Variants in TUSC3 observed in about 807,000 individuals in gnomAD.
TUSC3 encodes dolichyl-diphosphooligosaccharide--protein glycosyltransferase subunit TUSC3.
TUSC3 carries 45 observed loss-of-function variants against 44.8 expected under a neutral mutation model. The ratio of observed to expected loss-of-function variants is 1.00; its 90% CI spans 0.79 to 1.29. TUSC3 has a LOEUF of 1.29. Among genes scored for constraint, TUSC3 ranks in the 50% most tolerant of loss-of-function variants. The pLI, the probability that TUSC3 is intolerant of heterozygous loss-of-function variation, is 0.00. For synonymous variants in TUSC3, 212 were observed against 152.9 expected (o/e 1.39, Z -2.85); for missense variants, 519 against 437.9 (o/e 1.19, Z -1.65).
At chr8:15,437,960 A>G (rs536752393) in intron 1 of TUSC3, among the ~76,000 whole-genome samples, 6 of 152,232 alleles carry the variant, frequency 3.9e-5, no homozygotes, top group Non-Finnish European at 8.8e-5. Context: ...GGCAGAATAA[A>G]AGCTTTGGAA....
chr8:15,462,659 G>T (rs1800360764), intron 1 of TUSC3, among the ~76,000 whole-genome samples: 1 of 152,094 alleles, frequency 6.6e-6, no homozygotes. Flanking sequence ...CAAAAAGTTG[G>T]TTCGCAGGCA....
rs900246230 is a variant in TUSC3 at position 15,497,319 on chromosome 8, A to G, written n.189+13836A>G. ...TGATGTGTAGAAAGCAGTGGGACAC[A>G]ATAGAAGAGACATATCCTCAAGCTT... On this transcript the variant is annotated intron_variant and non_coding_transcript_variant, in intron 2 of 5. Coordinates refer to the TUSC3 transcript ENST00000503191. 1.3e-4 allele frequency among the ~76,000 whole-genome samples: 20 copies of G among 152,286 alleles called. No individual in the cohort carries two copies. The East Asian group carries it at 3.5e-3, about 27-fold the overall frequency.
At chr8:15,470,683 A>C (rs1800479795) in intron 1 of TUSC3, among the ~76,000 whole-genome samples, 2 of 152,226 alleles carry the variant, frequency 1.3e-5, no homozygotes, top group Admixed American at 6.5e-5. Context: ...TCATTAAAAC[A>C]GATGAGAAAA....
intron 1 of TUSC3, among the ~76,000 whole-genome samples, chr8:15,617,433 T>G (rs1805046994): frequency 6.6e-6 from 1 of 152,076 alleles, no homozygotes; most frequent in Non-Finnish European, 1.5e-5. Flanking sequence ...CCACCGCGCC[T>G]GGCCTGTATT....
At chr8:15,429,078 T>C (rs552893710) in intron 1 of TUSC3, among the ~76,000 whole-genome samples, 1 of 152,224 alleles carries the variant, frequency 6.6e-6, no homozygotes, top group Non-Finnish European at 1.5e-5. Context: ...GCCTAGGTTT[T>C]CTTCTAGGGT....
chr8:15,680,604 C>T (rs907799498), intron 6 of TUSC3, among the ~76,000 whole-genome samples: 2 of 152,046 alleles, frequency 1.3e-5, no homozygotes, highest in Non-Finnish European at 2.9e-5. Context: ...TTGTTGCTCT[C>T]ATGAAGACTT....
chr8:15,501,751 C>T (rs1184798315), intron 2 of TUSC3, among the ~76,000 whole-genome samples: 1 of 152,180 alleles, frequency 6.6e-6, no homozygotes, highest in Non-Finnish European at 1.5e-5. Flanking sequence ...TTACTGAGTG[C>T]TTAATGTATA....
At chr8:15,776,266 T>C in the TUSC3 span, among the ~76,000 whole-genome samples, 1 of 152,120 alleles carries the variant, frequency 6.6e-6, no homozygotes. Context: ...AAAGGTGTTT[T>C]TATTTTTTTC....
At chr8:15,759,941 C>T (rs1438278911) in intron 10 of TUSC3, among the ~76,000 whole-genome samples, 1 of 152,092 alleles carries the variant, frequency 6.6e-6, no homozygotes, top group Non-Finnish European at 1.5e-5. Context: ...CATCCTCATC[C>T]TTCTTTATGT....
chr8:15,720,201 T>TATATATACAC (rs369753796), intron 6 of TUSC3, among the ~76,000 whole-genome samples: 2 of 141,612 alleles, frequency 1.4e-5, no homozygotes, highest in African/African-American at 5.4e-5. Flanking sequence ...TATATATATA[T>TATATATACAC]ACACACACAC....
At chr8:15,608,382 A>G (rs1377701671) in intron 1 of TUSC3, among the ~76,000 whole-genome samples, 2 of 152,072 alleles carry the variant, frequency 1.3e-5, no homozygotes, top group South Asian at 2.1e-4. Flanking sequence ...TTTGTCTTAT[A>G]GGGATAAATT....
At chr8:15,630,870 A>T (rs920794987) in intron 2 of TUSC3, among the ~76,000 whole-genome samples, 5 of 152,202 alleles carry the variant, frequency 3.3e-5, no homozygotes, top group African/African-American at 1.2e-4. Context: ...TTCCTTACAG[A>T]GAGGTCACAC....
At chr8:15,583,061 T>C (rs905877915) in intron 1 of TUSC3, among the ~76,000 whole-genome samples, 2 of 152,174 alleles carry the variant, frequency 1.3e-5, no homozygotes, top group Non-Finnish European at 2.9e-5. Flanking sequence ...AGTTGATCAA[T>C]ATGACTGGAA....
chr8:15,432,996 A>G (rs1585786505), intron 1 of TUSC3, among the ~76,000 whole-genome samples: 1 of 152,300 alleles, frequency 6.6e-6, no homozygotes, highest in African/African-American at 2.4e-5. Flanking sequence ...TTCCCCTGCC[A>G]GGAGTACAAG....
intron 2 of TUSC3, among the ~76,000 whole-genome samples, chr8:15,505,736 G>A (rs905007360): frequency 6.6e-6 from 1 of 152,124 alleles, no homozygotes; most frequent in African/African-American, 2.4e-5. Context: ...CTTTATAATT[G>A]TAAAGTTAAA....
the TUSC3 span, among the ~76,000 whole-genome samples, chr8:15,819,402 C>A: frequency 6.6e-6 from 1 of 152,038 alleles, no homozygotes; most frequent in South Asian, 2.1e-4. Context: ...TTCTATACTA[C>A]TTTCTCTCCA....
At chr8:15,423,949 C>A (rs1799770114) in intron 1 of TUSC3, among the ~76,000 whole-genome samples, 2 of 124,796 alleles carry the variant, frequency 1.6e-5, no homozygotes, top group South Asian at 2.6e-4. Flanking sequence ...TCTCTTACAG[C>A]ATTCATACTG....
At chr8:15,846,783 G>A in the TUSC3 span, among the ~76,000 whole-genome samples, 1 of 151,844 alleles carries the variant, frequency 6.6e-6, no homozygotes, top group African/African-American at 2.4e-5. Flanking sequence ...ACGGGTTGAT[G>A]GGTGCAGCAA....
chr8:15,832,487 G>A, the TUSC3 span, among the ~76,000 whole-genome samples: 2 of 152,104 alleles, frequency 1.3e-5, no homozygotes, highest in African/African-American at 4.8e-5. Flanking sequence ...ACACAGAGTG[G>A]CAAGCTGGAT....
Sources: allele counts gnomAD v4.1 joint callset (sites outside exome capture counted in the v4.1 genomes callset), GRCh38; gene constraint gnomAD v4.1.1; transcripts MANE v1.5; gene names NCBI Gene and HGNC (gene_info 2026-07-23, HGNC 2026-07-21).